SCRN1: variants seen among roughly 807,000 people sequenced by gnomAD.
SCRN1 encodes secernin-1.
Under a neutral mutation model 43.3 loss-of-function variants are expected in SCRN1, and 19 were observed. The ratio of observed to expected loss-of-function variants is 0.44; its 90% CI spans 0.31 to 0.64. SCRN1 has a LOEUF of 0.64. SCRN1 is among the 30% of genes least tolerant of loss of function. SCRN1 has a pLI of 0.09. For synonymous variants in SCRN1, 183 were observed against 188.9 expected, an observed-to-expected ratio of 0.97 and a Z score of 0.26; for missense variants, 447 against 524.1, an observed-to-expected ratio of 0.85 and a Z score of 1.44.
chr7:29,931,522 TC>T (rs758199746), intron 6 of SCRN1, among the ~76,000 whole-genome samples: 35 of 152,356 alleles, frequency 2.3e-4, no homozygotes, highest in South Asian at 1.7e-3. Flanking sequence ...AGGTCAGTTT[TC>T]CCCACTACCT....
intron 3 of SCRN1, among the ~76,000 whole-genome samples, chr7:29,953,165 C>G (rs1208832400): frequency 6.6e-6 from 1 of 152,258 alleles, no homozygotes; most frequent in African/African-American, 2.4e-5. Flanking sequence ...CCCTGGAATT[C>G]TGTGCCATTC....
rs952767969 is a variant in SCRN1 at position 29,965,142 on chromosome 7, T to C, written c.159+3767A>G. Among the ~76,000 whole-genome samples, 9 of 151,832 alleles carry C rather than the reference T, an allele frequency of 5.9e-5. No individual in the cohort carries two copies. Among genetic ancestry groups the C allele is most frequent in the Non-Finnish European group, 1.2e-4 (8 of 67,972 alleles). On this transcript the variant is annotated intron_variant, in intron 2 of 7. Coordinates refer to ENST00000242059, the MANE Select transcript of SCRN1 (RefSeq NM_014766.5). The surrounding 1 kb of genome is among the most constrained non-coding windows in gnomAD (Gnocchi z 4.2). ...CTAAAAATAGTCTATCAATTTAAAA[T>C]AGAAAAGAATGAAAGAGAATAAAAG...
chr7:29,939,761 A>G (rs1311041095), intron 5 of SCRN1, among the ~76,000 whole-genome samples: 1 of 152,134 alleles, frequency 6.6e-6, no homozygotes, highest in Non-Finnish European at 1.5e-5. Flanking sequence ...ATATAGAATG[A>G]CTGTTGTGGG....
At chr7:29,963,876 G>A (rs983229779) in intron 2 of SCRN1, among the ~76,000 whole-genome samples, 1 of 152,168 alleles carries the variant, frequency 6.6e-6, no homozygotes, top group African/African-American at 2.4e-5. Context: ...AAATAGGAAA[G>A]TGCAGAACTT....
intron 6 of SCRN1, among the ~76,000 whole-genome samples, chr7:29,928,086 G>A (rs578221296): frequency 5.3e-5 from 8 of 152,260 alleles, no homozygotes; most frequent in South Asian, 4.1e-4. Context: ...TCATGCCATC[G>A]CACTCCGGCC....
chr7:29,959,839 G>A (rs781582227), intron 2 of SCRN1, among the ~76,000 whole-genome samples: 3 of 151,914 alleles, frequency 2.0e-5, no homozygotes, highest in Non-Finnish European at 4.4e-5. Context: ...GCTAAGCCAT[G>A]TTCTCTTGGA....
intron 2 of SCRN1, among the ~76,000 whole-genome samples, chr7:29,961,378 G>C (rs1583681231): frequency 8.6e-6 from 1 of 116,752 alleles, no homozygotes; most frequent in African/African-American, 3.4e-5. Flanking sequence ...GAGAGCACAG[G>C]GTTGGGGGTA....
chr7:29,928,803 T>G (rs1266975419), intron 6 of SCRN1, among the ~76,000 whole-genome samples: 2 of 152,198 alleles, frequency 1.3e-5, no homozygotes, highest in African/African-American at 2.4e-5. Context: ...ACCCCTCTAC[T>G]GAGTGTTGAA....
chr7:29,971,714 A>G (rs1400516359), intron 1 of SCRN1, among the ~76,000 whole-genome samples: 1 of 152,206 alleles, frequency 6.6e-6, no homozygotes, highest in African/African-American at 2.4e-5. Flanking sequence ...AAGCAAACCA[A>G]TCAAAATCTA....
chr7:29,936,567 A>G lies in SCRN1; in HGVS notation c.894T>C (p.Pro298=). 6.3e-7 allele frequency: 1 copy of G among 1,587,224 alleles called. No homozygotes were observed. Among genetic ancestry groups the G allele is most frequent in the Non-Finnish European group, 8.6e-7 (1 of 1,159,478 alleles). Residue 298 remains proline, a synonymous_variant, in exon 6 of 8, where the codon CCT becomes CCC. Transcript: ENST00000242059. ...SPCIHYFTGT[P]DPSRSIFKPF... ...GGCCTCGGACAAACCTGGAAGGATC[A>G]GGGGTTCCAGTGAAGTAGTGAATGC...
chr7:29,958,222 C>G (rs1361478452), intron 2 of SCRN1, among the ~76,000 whole-genome samples: 1 of 152,216 alleles, frequency 6.6e-6, no homozygotes, highest in Non-Finnish European at 1.5e-5. Context: ...CCATTCACAC[C>G]TGCTCCATTA....
chr7:29,990,180 A>G (rs1461372769), upstream of SCRN1: 5 of 1,551,618 alleles, frequency 3.2e-6, no homozygotes, highest in Admixed American at 2.0e-5. Context: ...TGTGTCCTGT[A>G]CCTTGTTGAC....
Position 29,923,885 on chromosome 7 carries a change from G to A in SCRN1, c.*72C>T. The stretch of plus-strand genomic sequence containing the variant: ...ACTTTCTCATTTTACTCAAACAGGA[G>A]AGTGGTTTGTTTTGCTGGTAATTTA... On this transcript the variant is annotated 3_prime_UTR_variant, in exon 8 of 8. Transcript: ENST00000242059. 6.8e-7 allele frequency: 1 copy of A among 1,470,166 alleles called. No individual in the cohort carries two copies. The highest frequency in any genetic ancestry group is 9.2e-7 in the Non-Finnish European group (1 of 1,084,634). The allele number at this position is 1,470,166 out of a possible 1,614,324, so 91.1% of individuals were successfully genotyped here.
chr7:29,924,382 A>T (rs966581913), intron 7 of SCRN1, among the ~76,000 whole-genome samples: 3 of 152,226 alleles, frequency 2.0e-5, no homozygotes, highest in Admixed American at 6.5e-5. Context: ...CCCTTCTGAC[A>T]TCCAAGACCA....
In SCRN1 at chr7:29,956,842, TA is replaced by T. The variant is rs141892925; in HGVS notation, c.160-1483del. Among the ~76,000 whole-genome samples, 25 of 150,806 alleles carry T rather than the reference TA, an allele frequency of 1.7e-4. 1 individual carries two copies. The highest frequency in any genetic ancestry group is 5.3e-4 in the Admixed American group (8 of 15,100). ...ATGCAGTTCCCAAAAGTTATTTATTTAAAAAAAAAATGATTCTTGTAGAGCA... is the reference window on the plus strand; with the variant it reads ...ATGCAGTTCCCAAAAGTTATTTATTTAAAAAAAAATGATTCTTGTAGAGCA... On this transcript the variant is annotated intron_variant, in intron 2 of 7. Transcript: ENST00000242059.
At chr7:29,990,182 CTTG>C, upstream of SCRN1, 4 of 1,551,694 alleles carry the variant, frequency 2.6e-6, no homozygotes, top group Non-Finnish European at 3.5e-6. Context: ...TGTCCTGTAC[CTTG>C]TTGACTCGCA....
At chr7:29,958,254 C>G (rs1039981047) in intron 2 of SCRN1, among the ~76,000 whole-genome samples, 2 of 152,228 alleles carry the variant, frequency 1.3e-5, no homozygotes, top group African/African-American at 4.8e-5. Context: ...TGGCTAATCA[C>G]AACCAGGTGG....
intron 2 of SCRN1, among the ~76,000 whole-genome samples, chr7:29,964,744 A>G (rs901634645): frequency 2.6e-5 from 4 of 151,956 alleles, no homozygotes; most frequent in Non-Finnish European, 5.9e-5. Flanking sequence ...GGAGTTCAAG[A>G]CAGGCTGGCC....
intron 2 of SCRN1, among the ~76,000 whole-genome samples, chr7:29,966,245 C>T (rs992950626): frequency 6.9e-6 from 1 of 144,268 alleles, no homozygotes; most frequent in African/African-American, 2.6e-5. Flanking sequence ...AGTCACATAG[C>T]ATCACTTCCA....
Sources: allele counts gnomAD v4.1 joint callset (sites outside exome capture counted in the v4.1 genomes callset), GRCh38; gene constraint gnomAD v4.1.1; non-coding constraint Gnocchi (gnomAD v3.1); transcripts MANE v1.5; gene names NCBI Gene and HGNC (gene_info 2026-07-23, HGNC 2026-07-21).